Variants in GIGYF2 observed in about 807,000 individuals in gnomAD.
GIGYF2 encodes GRB10-interacting GYF protein 2.
In GIGYF2, 25 loss-of-function variants were observed where a neutral mutation model predicts 208.1. That is an observed-to-expected ratio of 0.12 (90% CI 0.09 to 0.17). The LOEUF is 0.17. Ranked by LOEUF, GIGYF2 falls within the 10% of genes least tolerant of loss-of-function variation. The probability of loss-of-function intolerance (pLI) is 1.00; values close to 1 mark genes in which losing one functional copy is unlikely to be tolerated. For missense variants in GIGYF2, 1,302 were observed against 1,579.4 expected (o/e 0.82, Z 2.98); for synonymous variants, 534 against 543.8 (o/e 0.98, Z 0.25).
intron 14 of GIGYF2, among the ~76,000 whole-genome samples, chr2:232,797,325 A>G (rs1227248940): frequency 1.3e-5 from 2 of 152,094 alleles, no homozygotes; most frequent in Non-Finnish European, 1.5e-5. Context: ...TAGTGATAGC[A>G]TTTTACTGTG....
intron 2 of GIGYF2, chr2:232,729,510 C>G (rs1305997696): frequency 1.6e-6 from 2 of 1,251,550 alleles, no homozygotes; most frequent in Non-Finnish European, 1.1e-6. Context: ...AATGCCATGA[C>G]CCAGGATGGA....
intron 8 of GIGYF2, chr2:232,768,756 G>A: frequency 1.9e-6 from 3 of 1,599,670 alleles, no homozygotes; most frequent in Non-Finnish European, 2.6e-6. Flanking sequence ...TGCTGTGTCA[G>A]TAAAGCGAAT....
intron 12 of GIGYF2, among the ~76,000 whole-genome samples, chr2:232,792,190 T>G (rs1365446281): frequency 6.6e-6 from 1 of 152,200 alleles, no homozygotes; most frequent in East Asian, 1.9e-4. Flanking sequence ...CTGAACTGTC[T>G]CCTGTTTTCT....
intron 18 of GIGYF2, among the ~76,000 whole-genome samples, chr2:232,813,685 G>T (rs1217307096): frequency 6.6e-6 from 1 of 152,040 alleles, no homozygotes; most frequent in Non-Finnish European, 1.5e-5. Context: ...CACTGACCCC[G>T]CAGATTATTG....
At chr2:232,794,336 A>G (rs569052995) in intron 12 of GIGYF2, among the ~76,000 whole-genome samples, 133 of 152,334 alleles carry the variant, frequency 8.7e-4, no homozygotes, top group Non-Finnish European at 1.6e-3. Flanking sequence ...CTTACTGAGC[A>G]TAATCATTGA....
At chr2:232,797,489 TTGTGTGTGTGTG>T (rs67221198) in intron 14 of GIGYF2, among the ~76,000 whole-genome samples, 11 of 145,090 alleles carry the variant, frequency 7.6e-5, no homozygotes, top group South Asian at 2.3e-4. Context: ...AGAGCAGGGC[TTGTGTGTGTGTG>T]TGTGTGTGTG....
chr2:232,833,263 C>A, intron 22 of GIGYF2, 170 bp downstream of exon 22: 1 of 287,488 alleles, frequency 3.5e-6, no homozygotes, highest in Non-Finnish European at 6.1e-6. Context: ...ATCACCCAGG[C>A]TGGAGTGCAG....
intron 8 of GIGYF2, among the ~76,000 whole-genome samples, chr2:232,777,045 C>T (rs1699543626): frequency 6.6e-6 from 1 of 151,874 alleles, no homozygotes; most frequent in Non-Finnish European, 1.5e-5. Flanking sequence ...AGAATGGCTA[C>T]CATTAGTTCC....
chr2:232,760,549 G>C lies in GIGYF2; in HGVS notation c.449G>C (p.Gly150Ala). 1 of 1,613,492 alleles carries C rather than the reference G, an allele frequency of 6.2e-7. No individual in the cohort carries two copies. The highest frequency in any genetic ancestry group is 2.2e-5 in the East Asian group (1 of 44,850). ...FDEVEGVFGR[G>A]GGREMHRSQS... ...GAAGTAGAGGGTGTTTTTGGTCGAGGAGGTGGCAGAGAAATGCATAGATCG... is the reference window on the plus strand; with the variant it reads ...GAAGTAGAGGGTGTTTTTGGTCGAGCAGGTGGCAGAGAAATGCATAGATCG... The change falls in exon 7 of 29, where the codon GGA becomes GCA. Residue 150 changes from glycine (G) to alanine (A), a missense_variant. By Grantham distance (60) the Gly-to-Ala change is moderately conservative. Coordinates refer to ENST00000373563, the MANE Select transcript of GIGYF2 (RefSeq NM_001103146.3).
At chr2:232,846,586 G>A (rs1702012070) in intron 26 of GIGYF2, among the ~76,000 whole-genome samples, 1 of 152,232 alleles carries the variant, frequency 6.6e-6, no homozygotes, top group Admixed American at 6.5e-5. Context: ...CTTTGCAGCA[G>A]TGTAACAATA....
intron 2 of GIGYF2, among the ~76,000 whole-genome samples, chr2:232,727,890 C>T (rs1036141839): frequency 2.6e-5 from 4 of 152,206 alleles, no homozygotes; most frequent in African/African-American, 4.8e-5. Context: ...AAACCATCCT[C>T]GTTATCTGTC....
At chr2:232,706,005 C>T (rs991062850) in intron 2 of GIGYF2, 6 of 152,072 alleles carry the variant, frequency 3.9e-5, no homozygotes, top group African/African-American at 1.2e-4. Flanking sequence ...ACACCCAGCC[C>T]GTTTATTATT....
rs568786303 is a variant in GIGYF2 at position 232,765,730 on chromosome 2, A to T, written c.532+4294A>T. 3.2e-5 allele frequency: 10 copies of T among 308,054 alleles called. 1 individual carries two copies. The highest frequency in any genetic ancestry group is 1.9e-5 in the Non-Finnish European group (3 of 153,974). 19.1% of individuals were successfully genotyped at this position (308,054 alleles called of 1,614,324 possible). ...AGCCCAGTGCAATACAAATTAGTGTATTTTGGTATGAAGTACTTGTTAATA... is the reference window on the plus strand; with the variant it reads ...AGCCCAGTGCAATACAAATTAGTGTTTTTTGGTATGAAGTACTTGTTAATA... On this transcript the variant is annotated intron_variant, in intron 8 of 28. Transcript: ENST00000373563.
chr2:232,698,619 T>A (rs1286357587), intron 1 of GIGYF2, among the ~76,000 whole-genome samples: 2 of 152,262 alleles, frequency 1.3e-5, no homozygotes, highest in Non-Finnish European at 2.9e-5. Context: ...TTTACGTGTT[T>A]TACTAGTTGG....
chr2:232,708,625 A>G (rs1396808237), intron 2 of GIGYF2, among the ~76,000 whole-genome samples: 3 of 150,494 alleles, frequency 2.0e-5, no homozygotes, highest in East Asian at 3.9e-4. Context: ...GCTTGAGTCC[A>G]GGAGTTGGAG....
At position 232,790,833 on chromosome 2, in the gene GIGYF2, A is replaced by G. The variant is rs754592960; in HGVS notation, c.848A>G (p.Asp283Gly). Reference protein sequence around the residue: ...SGSGSIDDDRDSLPEWCLEDA... With the variant: ...SGSGSIDDDRGSLPEWCLEDA... ...AGTGGGAGCATAGATGATGACAGGG[A>G]TAGCTTGCCCGAATGGTGCTTAGAG... Residue 283 changes from aspartate to glycine, a missense_variant, in exon 10 of 29, where the codon GAT (aspartate) becomes GGT (glycine). Physicochemically the swap from Asp to Gly is moderately conservative, Grantham distance 94. Transcript: ENST00000373563. The G allele has an allele frequency of 7.4e-6, 12 of 1,614,142 alleles. No homozygotes were observed. Among genetic ancestry groups the G allele is most frequent in the African/African-American group, 1.3e-5 (1 of 75,034 alleles).
At position 232,840,001 on chromosome 2, in the gene GIGYF2, C is replaced by G. The variant is rs1278586358; in HGVS notation, c.2889+30C>G. ...AATTTTAAAGTAAAAGGGATCTAGT[C>G]AAGCGATGTTCCAGAATATCTAGCA... On this transcript the variant is annotated intron_variant, in intron 23 of 28. Coordinates refer to ENST00000373563, the MANE Select transcript of GIGYF2 (RefSeq NM_001103146.3). 1.9e-6 allele frequency: 3 copies of G among 1,607,232 alleles called. No homozygotes were observed. In the Admixed American group the frequency reaches 5.0e-5, roughly 27 times the overall value.
Position 232,735,633 on chromosome 2 carries a change from A to G in GIGYF2, c.41+395A>G, listed in dbSNP as rs2106296901. 9 of 786,308 alleles carry G rather than the reference A, an allele frequency of 1.1e-5. No homozygotes were observed. In the South Asian group the frequency reaches 4.4e-4, roughly 38 times the overall value. 48.7% of individuals were successfully genotyped at this position (786,308 alleles called of 1,614,324 possible). ...TAGATTGATTTGAGAAATAGTTTTC[A>G]TTGAAGTATTATTTGAAAGATGGGC... On this transcript the variant is annotated intron_variant, in intron 3 of 28. Coordinates refer to ENST00000373563, the MANE Select transcript of GIGYF2 (RefSeq NM_001103146.3).
At chr2:232,856,456 G>A (rs991477133) in intron 28 of GIGYF2, among the ~76,000 whole-genome samples, 3 of 152,062 alleles carry the variant, frequency 2.0e-5, no homozygotes, top group Non-Finnish European at 4.4e-5. Context: ...TTGGGAGGCC[G>A]AGGCGGGCGG....
Sources: allele counts gnomAD v4.1 joint callset (sites outside exome capture counted in the v4.1 genomes callset), GRCh38; gene constraint gnomAD v4.1.1; transcripts MANE v1.5; gene names NCBI Gene and HGNC (gene_info 2026-07-23, HGNC 2026-07-21).